The following AEBP2 variants were observed in gnomAD, a reference collection of about 807,000 sequenced individuals.
AEBP2 encodes AE binding protein 2.
A neutral mutation model predicts 50.8 loss-of-function variants in AEBP2; 10 were observed. The observed-to-expected ratio is 0.20, with a 90% confidence interval of 0.12 to 0.33. The LOEUF is 0.33. Ranked by LOEUF, AEBP2 falls within the 10% of genes least tolerant of loss-of-function variation. AEBP2 has a pLI of 1.00. For missense variants in AEBP2, 570 were observed against 688.0 expected, an observed-to-expected ratio of 0.83 and a Z score of 1.92; for synonymous variants, 296 against 261.3, an observed-to-expected ratio of 1.13 and a Z score of -1.28.
chr12:19,492,532 T>C (rs1336847216), intron 3 of AEBP2, among the ~76,000 whole-genome samples: 2 of 152,098 alleles, frequency 1.3e-5, no homozygotes, highest in East Asian at 1.9e-4. Flanking sequence ...AGAGGCTAGA[T>C]CTAATTGTTT....
chr12:19,485,389 G>T (rs948247568), intron 3 of AEBP2, among the ~76,000 whole-genome samples: 5 of 151,914 alleles, frequency 3.3e-5, no homozygotes, highest in African/African-American at 9.7e-5. Context: ...CACTATGCTG[G>T]GCAATATGGA....
intron 1 of AEBP2, chr12:19,413,006 G>A (rs569282895): frequency 7.6e-6 from 3 of 393,936 alleles, no homozygotes; most frequent in South Asian, 2.4e-5. Context: ...CTGCCCCGGC[G>A]TTGGGGTGTG....
rs768639864 is a variant in AEBP2 at position 19,439,748 on chromosome 12, C to T, written c.49C>T (p.Leu17=). Reference sequence around the variant, plus strand: ...GGCCGACCTGGAGGAGCTCTCCCGCCTGAGCCCTCTGCCCCCCGGCAGCCC... The same window carrying T: ...GGCCGACCTGGAGGAGCTCTCCCGCTTGAGCCCTCTGCCCCCCGGCAGCCC... ...DMADLEELSR[L]SPLPPGSPGS... The change falls in exon 1 of 8, where the codon CTG becomes TTG. Residue 17 remains leucine (L), a synonymous_variant. Transcript: ENST00000266508. 1.7e-5 allele frequency: 26 copies of T among 1,518,594 alleles called. No individual in the cohort carries two copies. In the South Asian group the frequency reaches 1.9e-4, roughly 11 times the overall value. 94.1% of individuals were successfully genotyped at this position (1,518,594 alleles called of 1,614,324 possible).
At chr12:19,492,229 G>C (rs1948904501) in intron 3 of AEBP2, among the ~76,000 whole-genome samples, 1 of 152,110 alleles carries the variant, frequency 6.6e-6, no homozygotes, top group African/African-American at 2.4e-5. Flanking sequence ...GATATTTTCT[G>C]TTTTGTTTTG....
At chr12:19,413,476 A>T in intron 1 of AEBP2, 2 of 1,053,186 alleles carry the variant, frequency 1.9e-6, no homozygotes, top group South Asian at 2.5e-5. Context: ...AAGTGCTCAC[A>T]GACTAGAACT....
chr12:19,467,502 C>T lies in AEBP2; in HGVS notation c.879+4785C>T, dbSNP rs1167149350. Among the ~76,000 whole-genome samples the T allele has an allele frequency of 2.6e-5, 4 of 151,962 alleles. No homozygotes were observed. In the South Asian group the frequency reaches 8.3e-4, roughly 32 times the overall value. The stretch of plus-strand genomic sequence containing the variant: ...AGAGATGGGGTTTCACCATGTTGGC[C>T]CGCCTAGTCTCGAACACCTGACCTC... On this transcript the variant is annotated intron_variant, in intron 2 of 7. Coordinates refer to ENST00000266508, the MANE Select transcript of AEBP2 (RefSeq NM_153207.5).
At chr12:19,442,699 C>T (rs570895716) in intron 1 of AEBP2, among the ~76,000 whole-genome samples, 2 of 152,262 alleles carry the variant, frequency 1.3e-5, no homozygotes, top group African/African-American at 4.8e-5. Flanking sequence ...TTTAATGTCA[C>T]CATTTCAGGG....
chr12:19,481,149 G>A (rs974340273), intron 3 of AEBP2, among the ~76,000 whole-genome samples: 1 of 126,642 alleles, frequency 7.9e-6, no homozygotes, highest in African/African-American at 3.0e-5. Flanking sequence ...TGCCCAGGCT[G>A]GAGTGTAGTG....
At chr12:19,503,075 G>A (rs761845986) in intron 5 of AEBP2, among the ~76,000 whole-genome samples, 3 of 152,132 alleles carry the variant, frequency 2.0e-5, no homozygotes, top group Non-Finnish European at 2.9e-5. Flanking sequence ...GGCTCTTTGC[G>A]CTCCTTTTCA....
At chr12:19,420,021 GT>G (rs569003269) in intron 1 of AEBP2, among the ~76,000 whole-genome samples, 8,672 of 128,816 alleles carry the variant, frequency 0.067, 277 homozygotes, top group Admixed American at 0.15. Flanking sequence ...TGCATTAATA[GT>G]TTTTTTTTTT....
At chr12:19,424,832 A>C (rs2095747704) in intron 1 of AEBP2, among the ~76,000 whole-genome samples, 1 of 150,562 alleles carries the variant, frequency 6.6e-6, no homozygotes, top group South Asian at 2.1e-4. Flanking sequence ...ACATGGTGAA[A>C]CCCCATCTCT....
chr12:19,443,753 A>T (rs534945224), intron 1 of AEBP2, among the ~76,000 whole-genome samples: 1 of 152,208 alleles, frequency 6.6e-6, no homozygotes, highest in South Asian at 2.1e-4. Context: ...AAAGACATAG[A>T]TATTAGAGGT....
At chr12:19,463,762 C>T (rs772200193) in intron 2 of AEBP2, among the ~76,000 whole-genome samples, 1 of 147,470 alleles carries the variant, frequency 6.8e-6, no homozygotes, top group Non-Finnish European at 1.5e-5. Flanking sequence ...CAGCCTCTGC[C>T]CCAAGTGATT....
At chr12:19,473,745 C>T (rs1170674596) in intron 3 of AEBP2, among the ~76,000 whole-genome samples, 2 of 152,062 alleles carry the variant, frequency 1.3e-5, no homozygotes, top group Admixed American at 1.3e-4. Flanking sequence ...GACATGTTTC[C>T]TAATAGGCAT....
chr12:19,435,526 T>G (rs1405460329), upstream of AEBP2, among the ~76,000 whole-genome samples: 1 of 152,144 alleles, frequency 6.6e-6, no homozygotes. Flanking sequence ...CATGAGCCAC[T>G]GTGACTGGTC....
At chr12:19,431,449 C>T (rs919701840) in intron 1 of AEBP2, among the ~76,000 whole-genome samples, 2 of 152,094 alleles carry the variant, frequency 1.3e-5, no homozygotes, top group African/African-American at 4.8e-5. Flanking sequence ...ATATAAAATA[C>T]ACGAAAAGAC....
At chr12:19,495,633 C>T (rs1405708473) in intron 4 of AEBP2, among the ~76,000 whole-genome samples, 1 of 151,472 alleles carries the variant, frequency 6.6e-6, no homozygotes, top group African/African-American at 2.4e-5. Context: ...TTTCAGACTC[C>T]TGGGCTCAAG....
At chr12:19,473,452 C>G (rs1303882981) in intron 3 of AEBP2, 97 bp downstream of exon 3, 1 of 462,432 alleles carries the variant, frequency 2.2e-6, no homozygotes, top group Non-Finnish European at 3.0e-6. Flanking sequence ...GTTGCCCAGG[C>G]TGGAGTGCAA....
intron 5 of AEBP2, chr12:19,508,941 A>G (rs1592781887): frequency 1.8e-5 from 8 of 438,804 alleles, no homozygotes; most frequent in South Asian, 1.6e-4. Flanking sequence ...AGGCTTTTCT[A>G]CAATACAGCC....
Sources: gnomAD v4.1 joint callset for allele counts (sites outside exome capture counted in the v4.1 genomes callset) on GRCh38, gnomAD v4.1.1 for gene constraint, MANE v1.5 for transcripts, NCBI Gene and HGNC (gene_info 2026-07-23, HGNC 2026-07-21) for gene names.